TGFBR3: variants seen among roughly 807,000 people sequenced by gnomAD.
TGFBR3 encodes the protein transforming growth factor beta receptor 3, also known as transforming growth factor beta receptor type 3.
Under a neutral mutation model 87.9 loss-of-function variants are expected in TGFBR3, and 46 were observed. The observed-to-expected ratio is 0.52, with a 90% CI of 0.41 to 0.67. The LOEUF (loss-of-function observed/expected upper bound fraction) is 0.67, where lower values mean the gene tolerates loss of function less well. Ranked by LOEUF, TGFBR3 falls within the 30% of genes least tolerant of loss-of-function variation. The pLI is 0.00. For synonymous variants in TGFBR3, 381 were observed against 391.6 expected, an observed-to-expected ratio of 0.97 and a Z score of 0.32; for missense variants, 866 against 1,041.9, an observed-to-expected ratio of 0.83 and a Z score of 2.32.
intron 4 of TGFBR3, among the ~76,000 whole-genome samples, chr1:91,747,954 T>C (rs1673403576): frequency 6.6e-6 from 1 of 152,226 alleles, no homozygotes; most frequent in Admixed American, 6.5e-5. Context: ...TCTCTTCATA[T>C]ATATATCCCC....
At chr1:91,756,022 C>T (rs1421725543) in intron 4 of TGFBR3, among the ~76,000 whole-genome samples, 1 of 152,186 alleles carries the variant, frequency 6.6e-6, no homozygotes, top group Admixed American at 6.5e-5. Flanking sequence ...AAGATAACAG[C>T]CCTATGATGC....
intron 2 of TGFBR3, among the ~76,000 whole-genome samples, chr1:91,817,940 G>GT: frequency 6.6e-6 from 1 of 151,196 alleles, no homozygotes; most frequent in African/African-American, 2.4e-5. Context: ...CTTGGCTGGA[G>GT]TTTTTTACAG....
intron 13 of TGFBR3, 126 bp from the exon 14 acceptor site, chr1:91,708,909 A>C: frequency 7.4e-7 from 1 of 1,349,880 alleles, no homozygotes; most frequent in Non-Finnish European, 1.0e-6. Context: ...CAGAAAAGCA[A>C]GAAGGTGGGT....
rs923076246 is a variant in TGFBR3 at position 91,729,194 on chromosome 1, C to T, written c.737+611G>A. Among the ~76,000 whole-genome samples, 6 of 126,190 alleles carry T rather than the reference C, an allele frequency of 4.8e-5. No homozygotes were observed. In the East Asian group the frequency reaches 7.7e-4, roughly 16 times the overall value. The allele number at this position is 126,190 out of a possible 152,430, so 82.8% of individuals were successfully genotyped here. On this transcript the variant is annotated intron_variant, in intron 6 of 16. Coordinates refer to ENST00000212355, the MANE Select transcript of TGFBR3 (RefSeq NM_003243.5). Reference sequence around the variant, plus strand: ...ACACACACACACACACACACACACACACCAAGCACACAAGGGAGAGGCAAG... The same window carrying T: ...ACACACACACACACACACACACACATACCAAGCACACAAGGGAGAGGCAAG...
chr1:91,820,137 G>C (rs757675358), intron 2 of TGFBR3, among the ~76,000 whole-genome samples: 2 of 152,172 alleles, frequency 1.3e-5, no homozygotes, highest in Non-Finnish European at 2.9e-5. Flanking sequence ...AGAGGGTGTA[G>C]TCATTCAATA....
At chr1:91,697,667 A>T (rs1292831703) in intron 15 of TGFBR3, among the ~76,000 whole-genome samples, 2 of 152,250 alleles carry the variant, frequency 1.3e-5, no homozygotes, top group Non-Finnish European at 2.9e-5. Context: ...TCTTGAAAGT[A>T]TAGCAATGAG....
chr1:91,708,130 C>T (rs1215515187), intron 14 of TGFBR3, among the ~76,000 whole-genome samples: 1 of 152,188 alleles, frequency 6.6e-6, no homozygotes, highest in Non-Finnish European at 1.5e-5. Flanking sequence ...CTCCAAGCAA[C>T]AAATGTGATT....
At chr1:91,804,581 C>T (rs577678011) in intron 2 of TGFBR3, among the ~76,000 whole-genome samples, 2 of 152,298 alleles carry the variant, frequency 1.3e-5, no homozygotes, top group African/African-American at 2.4e-5. Context: ...CAGCATGATC[C>T]ACCCCACAGG....
At chr1:91,766,118 C>T (rs1275997422) in intron 3 of TGFBR3, among the ~76,000 whole-genome samples, 1 of 152,050 alleles carries the variant, frequency 6.6e-6, no homozygotes, top group African/African-American at 2.4e-5. Flanking sequence ...ACCTTCAACT[C>T]CTCAAGTAAT....
At chr1:91,897,887 A>T (rs1409095697) in intron 2 of TGFBR3, among the ~76,000 whole-genome samples, 1 of 152,130 alleles carries the variant, frequency 6.6e-6, no homozygotes, top group Non-Finnish European at 1.5e-5. Context: ...TGTCTTTCCT[A>T]TAAGAAATAA....
rs1048215374 is a variant in TGFBR3 at position 91,874,979 on chromosome 1, C to T, written c.-114+10899G>A. ...CACTGTAACCCTAAACTCTATGATT[C>T]TGAGTTGATTTTCTGTGTCTTTTCT... On this transcript the variant is annotated intron_variant, in intron 1 of 16. Coordinates refer to ENST00000212355, the MANE Select transcript of TGFBR3 (RefSeq NM_003243.5). Among the ~76,000 whole-genome samples, 11 of 152,222 alleles carry T rather than the reference C, an allele frequency of 7.2e-5. 1 individual carries two copies. Among genetic ancestry groups the T allele is most frequent in the Admixed American group, 2.6e-4 (4 of 15,284 alleles).
intron 2 of TGFBR3, among the ~76,000 whole-genome samples, chr1:91,895,733 A>G (rs1679539022): frequency 6.6e-6 from 1 of 152,202 alleles, no homozygotes; most frequent in Non-Finnish European, 1.5e-5. Flanking sequence ...TGACTTCTCA[A>G]TATCGCCACT....
At chr1:91,837,226 T>C (rs1677097162) in intron 2 of TGFBR3, among the ~76,000 whole-genome samples, 1 of 69,648 alleles carries the variant, frequency 1.4e-5, no homozygotes, top group Admixed American at 1.5e-4. Flanking sequence ...AGGATATTAT[T>C]TATTTATTTA....
At chr1:91,894,642 G>GTAC (rs1031630452) in intron 2 of TGFBR3, among the ~76,000 whole-genome samples, 1 of 152,228 alleles carries the variant, frequency 6.6e-6, no homozygotes, top group Admixed American at 6.5e-5. Context: ...GGGATAAGAT[G>GTAC]TACTAATGGT....
At chr1:91,689,257 T>C (rs570725911) in intron 16 of TGFBR3, among the ~76,000 whole-genome samples, 30 of 152,156 alleles carry the variant, frequency 2.0e-4, no homozygotes, top group Non-Finnish European at 3.8e-4. Context: ...CCTTGTCAGT[T>C]CTCCATTTTT....
chr1:91,883,029 G>T (rs1679160091), intron 1 of TGFBR3, among the ~76,000 whole-genome samples: 1 of 152,138 alleles, frequency 6.6e-6, no homozygotes, highest in South Asian at 2.1e-4. Context: ...CAACCTCCCT[G>T]AGAACAAATT....
chr1:91,876,103 G>A (rs1245932817), intron 1 of TGFBR3, among the ~76,000 whole-genome samples: 2 of 152,070 alleles, frequency 1.3e-5, no homozygotes, highest in African/African-American at 2.4e-5. Context: ...TCATGGGGGT[G>A]TGGTGGGGGT....
At chr1:91,764,535 G>A (rs1455243989) in intron 3 of TGFBR3, among the ~76,000 whole-genome samples, 1 of 151,948 alleles carries the variant, frequency 6.6e-6, no homozygotes. Context: ...AGATTCCAGA[G>A]ACCCAGGCCC....
At chr1:91,900,045 TAAAA>T (rs1013436031) in intron 1 of TGFBR3, among the ~76,000 whole-genome samples, 3 of 149,328 alleles carry the variant, frequency 2.0e-5, no homozygotes, top group African/African-American at 7.4e-5. Flanking sequence ...TTGGAGTAGT[TAAAA>T]AAAAAAGATT....
Sources: gnomAD v4.1 joint callset for allele counts (sites outside exome capture counted in the v4.1 genomes callset) on GRCh38, gnomAD v4.1.1 for gene constraint, MANE v1.5 for transcripts, NCBI Gene and HGNC (gene_info 2026-07-23, HGNC 2026-07-21) for gene names.